The following PDZRN3 variants were observed in gnomAD, a reference collection of about 807,000 sequenced individuals.
PDZRN3 encodes PDZ domain containing ring finger 3.
A neutral mutation model predicts 85.7 loss-of-function variants in PDZRN3; 38 were observed. The observed-to-expected ratio is 0.44, with a 90% CI of 0.34 to 0.58. PDZRN3 has a LOEUF of 0.58. Among genes scored for constraint, PDZRN3 ranks in the 20% least tolerant of loss-of-function variants. The pLI is 0.01. For missense variants in PDZRN3, 1,629 were observed against 1,506.4 expected, an observed-to-expected ratio of 1.08 and a Z score of -1.35; for synonymous variants, 759 against 638.0, an observed-to-expected ratio of 1.19 and a Z score of -2.86.
chr3:73,548,086 G>A lies in PDZRN3; in HGVS notation c.918+54268C>T, dbSNP rs186592302. Among the ~76,000 whole-genome samples the A allele has an allele frequency of 3.2e-4, 48 of 152,286 alleles. 1 individual carries two copies. The highest frequency in any genetic ancestry group is 2.3e-3 in the East Asian group (12 of 5,184). ...CTGGGCTCTGTGAAAATGTTAAAGC[G>A]GGGGAAGCTTCAGACATATGCTGAA... On this transcript the variant is annotated intron_variant, in intron 3 of 9. Coordinates refer to ENST00000263666, the MANE Select transcript of PDZRN3 (RefSeq NM_015009.3).
At chr3:73,428,739 A>C (rs1335922897) in intron 3 of PDZRN3, among the ~76,000 whole-genome samples, 2 of 152,240 alleles carry the variant, frequency 1.3e-5, no homozygotes, top group African/African-American at 2.4e-5. Context: ...CAGAATCAAC[A>C]TAAAAGTGGT....
At chr3:73,475,454 TC>T (rs147204662) in intron 3 of PDZRN3, among the ~76,000 whole-genome samples, 1,846 of 151,574 alleles carry the variant, frequency 0.012, 38 homozygotes, top group African/African-American at 0.043. Flanking sequence ...TTCACAGGGT[TC>T]CCCCCCCAAC....
intron 5 of PDZRN3, among the ~76,000 whole-genome samples, chr3:73,393,152 C>T (rs939436019): frequency 1.3e-5 from 2 of 152,072 alleles, no homozygotes; most frequent in African/African-American, 4.8e-5. Context: ...CTGCAGGAGA[C>T]ACATCTTGCT....
chr3:73,428,771 C>T (rs543258229), intron 3 of PDZRN3, among the ~76,000 whole-genome samples: 7 of 151,566 alleles, frequency 4.6e-5, no homozygotes, highest in Non-Finnish European at 8.8e-5. Flanking sequence ...TGTTAATTAA[C>T]AAGAAAACAA....
At chr3:73,584,485 GTGTGTGT>G (rs1702250331) in intron 3 of PDZRN3, among the ~76,000 whole-genome samples, 1 of 60,056 alleles carries the variant, frequency 1.7e-5, no homozygotes, top group African/African-American at 3.2e-5. Flanking sequence ...GTGTGTGTGT[GTGTGTGT>G]GTGTGTGTAT....
intron 5 of PDZRN3, among the ~76,000 whole-genome samples, chr3:73,399,613 G>A (rs886266917): frequency 6.6e-6 from 1 of 152,174 alleles, no homozygotes; most frequent in Non-Finnish European, 1.5e-5. Flanking sequence ...TGGGGTGATA[G>A]GACACTAAAT....
intron 3 of PDZRN3, among the ~76,000 whole-genome samples, chr3:73,475,823 G>C (rs1218286487): frequency 6.6e-6 from 1 of 152,196 alleles, no homozygotes; most frequent in Non-Finnish European, 1.5e-5. Context: ...GTGAAGAAAT[G>C]GCAAAGGAGC....
chr3:73,532,297 A>G (rs1241217352), intron 3 of PDZRN3, among the ~76,000 whole-genome samples: 2 of 152,126 alleles, frequency 1.3e-5, no homozygotes, highest in African/African-American at 4.8e-5. Flanking sequence ...TACGACGCCC[A>G]GCCAAATTCC....
rs534587093 is a variant in PDZRN3 at position 73,589,605 on chromosome 3, A to T, written c.918+12749T>A. On this transcript the variant is annotated intron_variant, in intron 3 of 9. Transcript: ENST00000263666. ...AAGTCTATCAAGCAAATCAACCTAA[A>T]CTTACCTATAAATAGGCTTCACAAG... Among the ~76,000 whole-genome samples, 3 of 152,306 alleles carry T rather than the reference A, an allele frequency of 2.0e-5. No individual in the cohort carries two copies. The South Asian group carries it at 6.2e-4, about 32-fold the overall frequency.
At chr3:73,527,181 C>T (rs921433722) in intron 3 of PDZRN3, among the ~76,000 whole-genome samples, 1 of 152,148 alleles carries the variant, frequency 6.6e-6, no homozygotes, top group Non-Finnish European at 1.5e-5. Context: ...ACAATATAAC[C>T]TTCCTGATGC....
intron 3 of PDZRN3, among the ~76,000 whole-genome samples, chr3:73,559,492 C>A (rs1201466729): frequency 6.6e-6 from 1 of 152,106 alleles, no homozygotes; most frequent in African/African-American, 2.4e-5. Context: ...TTAAGGAGAA[C>A]CTCTCTGGTG....
chr3:73,499,854 A>C (rs967937371), intron 3 of PDZRN3, among the ~76,000 whole-genome samples: 1 of 152,184 alleles, frequency 6.6e-6, no homozygotes, highest in African/African-American at 2.4e-5. Context: ...GATGATAATG[A>C]AAGTACCTAC....
intron 3 of PDZRN3, among the ~76,000 whole-genome samples, chr3:73,479,235 C>A (rs1056261624): frequency 6.6e-6 from 1 of 152,156 alleles, no homozygotes. Context: ...CCACTCTGAG[C>A]ATCCATGCTC....
intron 3 of PDZRN3, among the ~76,000 whole-genome samples, chr3:73,474,834 C>T (rs186077911): frequency 5.3e-5 from 8 of 152,216 alleles, no homozygotes; most frequent in Admixed American, 2.6e-4. Flanking sequence ...GTTCATGACC[C>T]TGCAGCCTCA....
chr3:73,456,586 G>C (rs1702982250), intron 3 of PDZRN3, among the ~76,000 whole-genome samples: 1 of 152,186 alleles, frequency 6.6e-6, no homozygotes, highest in Admixed American at 6.5e-5. Context: ...GATGTTCACA[G>C]TTTTTCCCCT....
chr3:73,420,523 T>C (rs992306906), intron 3 of PDZRN3, among the ~76,000 whole-genome samples: 1 of 152,208 alleles, frequency 6.6e-6, no homozygotes, highest in Non-Finnish European at 1.5e-5. Flanking sequence ...TTAAGAAGCT[T>C]TGGCTTTACA....
At chr3:73,599,081 C>T (rs78661972) in intron 3 of PDZRN3, among the ~76,000 whole-genome samples, 4,668 of 152,286 alleles carry the variant, frequency 0.031, 86 homozygotes, top group Non-Finnish European at 0.049. Flanking sequence ...GAGCATAGAC[C>T]TAGCTCTGTT....
intron 3 of PDZRN3, among the ~76,000 whole-genome samples, chr3:73,427,452 A>G (rs1186656517): frequency 1.4e-5 from 2 of 145,326 alleles, no homozygotes; most frequent in African/African-American, 2.5e-5. Context: ...ACCACCGCCC[A>G]CATTTAACCA....
intron 3 of PDZRN3, among the ~76,000 whole-genome samples, chr3:73,520,563 A>C (rs1271241179): frequency 6.6e-6 from 1 of 152,176 alleles, no homozygotes; most frequent in Non-Finnish European, 1.5e-5. Context: ...AATAGAATCC[A>C]AGTTGTCTTT....
Sources: allele counts gnomAD v4.1 joint callset (sites outside exome capture counted in the v4.1 genomes callset), GRCh38; gene constraint gnomAD v4.1.1; transcripts MANE v1.5; gene names NCBI Gene and HGNC (gene_info 2026-07-23, HGNC 2026-07-21).